The following OPCML variants were observed in gnomAD, a reference collection of about 807,000 sequenced individuals.
The protein encoded by OPCML is opioid binding protein/cell adhesion molecule like.
A neutral mutation model predicts 37.8 loss-of-function variants in OPCML; 13 were observed. The observed-to-expected ratio is 0.34, with a 90% CI of 0.22 to 0.55. The LOEUF is 0.55. Ranked by LOEUF, OPCML falls within the 20% of genes least tolerant of loss-of-function variation. OPCML has a pLI of 0.91. For missense variants in OPCML, 341 were observed against 435.6 expected, an observed-to-expected ratio of 0.78 and a Z score of 1.93; for synonymous variants, 176 against 168.8, an observed-to-expected ratio of 1.04 and a Z score of -0.33.
At chr11:132,709,877 CT>C (rs1171769030) in intron 2 of OPCML, among the ~76,000 whole-genome samples, 2 of 152,138 alleles carry the variant, frequency 1.3e-5, no homozygotes, top group Non-Finnish European at 2.9e-5. Flanking sequence ...TTTTTACCCC[CT>C]AATTTAAGCA....
chr11:133,131,078 G>A (rs1949596602), intron 1 of OPCML, among the ~76,000 whole-genome samples: 1 of 152,098 alleles, frequency 6.6e-6, no homozygotes, highest in African/African-American at 2.4e-5. Context: ...CCTTACACAA[G>A]GGACCCTAGA....
intron 4 of OPCML, among the ~76,000 whole-genome samples, chr11:132,472,981 A>T (rs1372815551): frequency 2.0e-5 from 3 of 152,218 alleles, no homozygotes; most frequent in Admixed American, 1.3e-4. Context: ...AGGCTCTTAG[A>T]TCATTTCTCT....
At chr11:133,061,313 C>T (rs187041788) in intron 1 of OPCML, among the ~76,000 whole-genome samples, 9 of 152,236 alleles carry the variant, frequency 5.9e-5, no homozygotes, top group African/African-American at 2.2e-4. Flanking sequence ...ACCTCTTCCT[C>T]TTCCTTTCCT....
At chr11:133,311,057 C>G (rs558337990) in intron 1 of OPCML, among the ~76,000 whole-genome samples, 5 of 152,148 alleles carry the variant, frequency 3.3e-5, no homozygotes, top group Non-Finnish European at 1.5e-5. Flanking sequence ...TACAAAGCTC[C>G]AACTCCTTAT....
intron 4 of OPCML, among the ~76,000 whole-genome samples, chr11:132,503,391 A>T (rs1331403490): frequency 4.6e-5 from 7 of 152,212 alleles, no homozygotes; most frequent in Non-Finnish European, 1.0e-4. Flanking sequence ...GATAGAAGGT[A>T]TTGATCACTT....
rs558039665 is a variant in OPCML at position 132,448,059 on chromosome 11, C to T, written c.506-10700G>A. On this transcript the variant is annotated intron_variant, in intron 4 of 7. Coordinates refer to ENST00000524381, the MANE Select transcript of OPCML (RefSeq NM_001012393.5). ...CCTGGCAGACCAAGTACCAGACCTG[C>T]CCCTTTCTGAAGTGGTTGGGATGGC... Among the ~76,000 whole-genome samples, 6 of 152,322 alleles carry T rather than the reference C, an allele frequency of 3.9e-5. No individual in the cohort carries two copies. In the East Asian group the frequency reaches 9.7e-4, roughly 25 times the overall value.
At chr11:133,409,138 C>T (rs1202962481) in intron 1 of OPCML, among the ~76,000 whole-genome samples, 1 of 152,180 alleles carries the variant, frequency 6.6e-6, no homozygotes, top group African/African-American at 2.4e-5. Flanking sequence ...GCAGGCATCT[C>T]TCCCCAGAGG....
At chr11:132,568,572 A>G (rs912426902) in intron 3 of OPCML, among the ~76,000 whole-genome samples, 1 of 152,212 alleles carries the variant, frequency 6.6e-6, no homozygotes, top group Non-Finnish European at 1.5e-5. Flanking sequence ...TGACAGAGAC[A>G]GAGACTGCAG....
intron 3 of OPCML, among the ~76,000 whole-genome samples, chr11:132,594,891 C>G (rs1396302320): frequency 6.6e-6 from 1 of 152,210 alleles, no homozygotes; most frequent in Non-Finnish European, 1.5e-5. Flanking sequence ...GCCAGAATTA[C>G]ATATGATGTT....
chr11:133,382,786 C>A (rs966962450), intron 1 of OPCML, among the ~76,000 whole-genome samples: 1 of 152,140 alleles, frequency 6.6e-6, no homozygotes, highest in Non-Finnish European at 1.5e-5. Context: ...CCACCCAGCC[C>A]GACAAAGGAG....
At position 133,234,364 on chromosome 11, in the gene OPCML, T is replaced by A. The variant is rs573962204; in HGVS notation, c.62-291354A>T. Among the ~76,000 whole-genome samples the A allele has an allele frequency of 6.6e-5, 10 of 152,340 alleles. No individual in the cohort carries two copies. In the South Asian group the frequency reaches 2.1e-3, roughly 32 times the overall value. On this transcript the variant is annotated intron_variant, in intron 1 of 7. Coordinates refer to ENST00000524381, the MANE Select transcript of OPCML (RefSeq NM_001012393.5). ...TTTGGAGGATTACTTAGAGGCTTCT[T>A]CTCTCTCTAGGCAGGACCACAGCAG...
intron 1 of OPCML, among the ~76,000 whole-genome samples, chr11:133,391,111 G>A (rs989816645): frequency 1.3e-5 from 2 of 152,202 alleles, no homozygotes; most frequent in African/African-American, 4.8e-5. Context: ...GGAAAGAAAG[G>A]TCAAGCTGCG....
rs537050999 is a variant in OPCML at position 132,582,741 on chromosome 11, A to G, written c.380-53555T>C. ...ATATGCTTTCCATTTAAGCCACTTA[A>G]TTTCAAAGATAAAGAGGTAATCGTT... On this transcript the variant is annotated intron_variant, in intron 3 of 7. Transcript: ENST00000524381. 6.2e-4 allele frequency among the ~76,000 whole-genome samples: 94 copies of G among 152,234 alleles called. 1 individual carries two copies. Among genetic ancestry groups the G allele is most frequent in the African/African-American group, 2.2e-3 (90 of 41,570 alleles).
Position 132,907,236 on chromosome 11 carries a change from G to A in OPCML, c.146+35690C>T, listed in dbSNP as rs138748118. On this transcript the variant is annotated intron_variant, in intron 2 of 7. Transcript: ENST00000524381. ...CAATCCATCCTTCTAACACTCTAAC[G>A]GTAAAAGCTGTTTTACGTTCCCTGG... Among the ~76,000 whole-genome samples the A allele has an allele frequency of 2.5e-3, 374 of 152,118 alleles. 2 individuals carry two copies. Among genetic ancestry groups the A allele is most frequent in the African/African-American group, 8.6e-3 (355 of 41,502 alleles).
At chr11:132,828,656 A>G (rs774273164) in intron 2 of OPCML, among the ~76,000 whole-genome samples, 2 of 152,192 alleles carry the variant, frequency 1.3e-5, no homozygotes, top group South Asian at 4.1e-4. Flanking sequence ...TTTATTGTTT[A>G]ATATTTCTTT....
At chr11:133,082,180 C>T (rs1028553748) in intron 1 of OPCML, among the ~76,000 whole-genome samples, 2 of 151,860 alleles carry the variant, frequency 1.3e-5, no homozygotes, top group African/African-American at 4.8e-5. Context: ...TCCGCCTCGG[C>T]TCCCCTCCAG....
intron 3 of OPCML, among the ~76,000 whole-genome samples, chr11:132,545,438 C>T (rs1342605555): frequency 3.1e-4 from 47 of 152,158 alleles, no homozygotes; most frequent in Non-Finnish European, 7.4e-5. Context: ...CAACCAGGTA[C>T]TCAGCCTTCC....
chr11:132,670,328 C>T (rs1942413652), intron 2 of OPCML, among the ~76,000 whole-genome samples: 1 of 152,152 alleles, frequency 6.6e-6, no homozygotes, highest in Non-Finnish European at 1.5e-5. Flanking sequence ...TTACAGCCCA[C>T]AGATTTCCCT....
chr11:133,185,349 C>T (rs771826411), intron 1 of OPCML, among the ~76,000 whole-genome samples: 15 of 152,158 alleles, frequency 9.9e-5, no homozygotes, highest in Non-Finnish European at 2.2e-4. Context: ...AATAGCAGTC[C>T]TAAATGTGAA....
Sources: gnomAD v4.1 joint callset for allele counts (sites outside exome capture counted in the v4.1 genomes callset) on GRCh38, gnomAD v4.1.1 for gene constraint, MANE v1.5 for transcripts, NCBI Gene and HGNC (gene_info 2026-07-23, HGNC 2026-07-21) for gene names.